MARCHF11: variants seen among roughly 807,000 people sequenced by gnomAD.
MARCHF11 encodes the protein E3 ubiquitin-protein ligase MARCHF11.
MARCHF11 carries 29 observed loss-of-function variants against 37.3 expected under a neutral mutation model. The ratio of observed to expected loss-of-function variants is 0.78; its 90% confidence interval spans 0.58 to 1.06. The LOEUF is 1.06. Among genes scored for constraint, MARCHF11 ranks in the 50% least tolerant of loss-of-function variants. MARCHF11 has a pLI of 0.00. For missense variants in MARCHF11, 482 were observed against 533.4 expected, an observed-to-expected ratio of 0.90 and a Z score of 0.95; for synonymous variants, 233 against 228.0, an observed-to-expected ratio of 1.02 and a Z score of -0.20.
At chr5:16,135,314 G>A (rs2126587450) in intron 2 of MARCHF11, among the ~76,000 whole-genome samples, 1 of 152,226 alleles carries the variant, frequency 6.6e-6, no homozygotes, top group Non-Finnish European at 1.5e-5. Flanking sequence ...AGATGTGTCT[G>A]ACACAGATCT....
intron 2 of MARCHF11, among the ~76,000 whole-genome samples, chr5:16,125,387 T>A (rs961088059): frequency 6.6e-6 from 1 of 152,164 alleles, no homozygotes; most frequent in Non-Finnish European, 1.5e-5. Flanking sequence ...ACACATCCTA[T>A]TATCATCATT....
chr5:16,085,600 G>T (rs1378264799), intron 3 of MARCHF11, among the ~76,000 whole-genome samples: 3 of 131,868 alleles, frequency 2.3e-5, no homozygotes, highest in African/African-American at 5.6e-5. Flanking sequence ...TCGGGGGGGG[G>T]ATAAACTGAT....
chr5:16,114,548 T>C (rs1737199688), intron 2 of MARCHF11, among the ~76,000 whole-genome samples: 1 of 152,196 alleles, frequency 6.6e-6, no homozygotes, highest in South Asian at 2.1e-4. Flanking sequence ...GCATTACCCT[T>C]GGTGCAGTGG....
At position 16,121,161 on chromosome 5, in the gene MARCHF11, C is replaced by T. The variant is rs543632896; in HGVS notation, c.694-30080G>A. Reference sequence around the variant, plus strand: ...GACAGCCAACATGTATCACTCCCTTCAGATTTCTGCCCAACTATGATCCAT... The same window carrying T: ...GACAGCCAACATGTATCACTCCCTTTAGATTTCTGCCCAACTATGATCCAT... On this transcript the variant is annotated intron_variant, in intron 2 of 3. Transcript: ENST00000332432. Among the ~76,000 whole-genome samples the T allele has an allele frequency of 4.6e-5, 7 of 152,356 alleles. No homozygotes were observed. In the South Asian group the frequency reaches 1.4e-3, roughly 32 times the overall value.
chr5:16,152,153 A>T (rs1371670346), intron 2 of MARCHF11, among the ~76,000 whole-genome samples: 1 of 151,998 alleles, frequency 6.6e-6, no homozygotes, highest in Non-Finnish European at 1.5e-5. Context: ...TTATGAACAA[A>T]TGACTTCTCC....
rs771019233 is a variant in MARCHF11 at position 16,067,438 on chromosome 5, G to A, written c.*33C>T. ...CTGCAATTACATTGCAAAATGTGCAGGGTGGTCCACACTGCATCATCTTAT... is the reference window on the plus strand; with the variant it reads ...CTGCAATTACATTGCAAAATGTGCAAGGTGGTCCACACTGCATCATCTTAT... On this transcript the variant is annotated 3_prime_UTR_variant, in exon 4 of 4. Transcript: ENST00000332432. 45 of 1,587,526 alleles carry A rather than the reference G, an allele frequency of 2.8e-5. 1 individual carries two copies. In the African/African-American group the frequency reaches 5.2e-4, roughly 18 times the overall value.
At chr5:16,164,158 T>C (rs978232190) in intron 2 of MARCHF11, among the ~76,000 whole-genome samples, 2 of 152,088 alleles carry the variant, frequency 1.3e-5, no homozygotes, top group Non-Finnish European at 2.9e-5. Context: ...AACTATGACA[T>C]AGAGACAAAG....
intron 1 of MARCHF11, 92 bp downstream of exon 1, chr5:16,178,947 G>C: frequency 1.2e-5 from 16 of 1,320,104 alleles, no homozygotes; most frequent in East Asian, 3.2e-5. Flanking sequence ...AGGCAAACTG[G>C]GAGGTAGGCG....
intron 2 of MARCHF11, among the ~76,000 whole-genome samples, chr5:16,161,805 C>T (rs1738082254): frequency 6.6e-6 from 1 of 151,912 alleles, no homozygotes; most frequent in South Asian, 2.1e-4. Context: ...TCAATATCTC[C>T]CAATTATATT....
intron 3 of MARCHF11, among the ~76,000 whole-genome samples, chr5:16,077,426 C>T (rs111645356): frequency 0.027 from 4,136 of 151,932 alleles, 172 homozygotes; most frequent in African/African-American, 0.094. Flanking sequence ...TTTGGGGGAG[C>T]GAAAATAATA....
chr5:16,073,249 G>A (rs1350008405), intron 3 of MARCHF11, among the ~76,000 whole-genome samples: 1 of 152,134 alleles, frequency 6.6e-6, no homozygotes, highest in Non-Finnish European at 1.5e-5. Context: ...CCAGAGCATG[G>A]TTGCTTCCAA....
intron 2 of MARCHF11, among the ~76,000 whole-genome samples, chr5:16,155,064 AC>A (rs1434476809): frequency 6.6e-6 from 1 of 151,904 alleles, no homozygotes; most frequent in Non-Finnish European, 1.5e-5. Context: ...AAAATGAGAA[AC>A]TATCTAATGT....
chr5:16,067,862 T>A (rs1736376375), intron 3 of MARCHF11, 69 bp from the exon 4 acceptor site: 1 of 1,355,848 alleles, frequency 7.4e-7, no homozygotes, highest in Non-Finnish European at 1.0e-6. Context: ...TTATTTTGTA[T>A]ACAAGTAAGG....
chr5:16,179,417 G>C lies in MARCHF11; in HGVS notation c.159C>G (p.Pro53=), dbSNP rs1738429902. The C allele has an allele frequency of 6.2e-6, 7 of 1,125,224 alleles. No homozygotes were observed. The highest frequency in any genetic ancestry group is 1.7e-5 in the African/African-American group (1 of 60,348). The allele number at this position is 1,125,224 out of a possible 1,614,324, so 69.7% of individuals were successfully genotyped here. Residue 53 remains proline (P), a synonymous_variant, in exon 1 of 4, where the codon CCC becomes CCG. Transcript: ENST00000332432. ...PAAPRYLPPL[P]ASPETPERAA... ...CGCGCTCGGGGGTCTCGGGGGACGCGGGCAGCGGCGGCAGGTAGCGCGGGG... is the reference window on the plus strand; with the variant it reads ...CGCGCTCGGGGGTCTCGGGGGACGCCGGCAGCGGCGGCAGGTAGCGCGGGG...
At chr5:16,090,222 T>C (rs1405124304) in intron 3 of MARCHF11, among the ~76,000 whole-genome samples, 1 of 152,190 alleles carries the variant, frequency 6.6e-6, no homozygotes, top group Non-Finnish European at 1.5e-5. Flanking sequence ...ACATAAATGC[T>C]GCATGATTGG....
intron 2 of MARCHF11, among the ~76,000 whole-genome samples, chr5:16,100,011 G>A (rs961123210): frequency 3.9e-5 from 6 of 152,060 alleles, no homozygotes; most frequent in Non-Finnish European, 8.8e-5. Flanking sequence ...GGTTTGAAGG[G>A]CCATGACCCA....
At chr5:16,162,583 G>GT (rs1381032826) in intron 2 of MARCHF11, among the ~76,000 whole-genome samples, 1 of 151,738 alleles carries the variant, frequency 6.6e-6, no homozygotes, top group Admixed American at 6.6e-5. Context: ...ATTGCCCAAT[G>GT]TTTTTTTCTT....
Position 16,127,636 on chromosome 5 carries a change from T to C in MARCHF11, c.694-36555A>G, listed in dbSNP as rs74652687. The stretch of plus-strand genomic sequence containing the variant: ...GACCACAATTACAATCTGCCATTGT[T>C]CCCCAGCAGGGAGGGACCGTCCTAA... On this transcript the variant is annotated intron_variant, in intron 2 of 3. Coordinates refer to ENST00000332432, the MANE Select transcript of MARCHF11 (RefSeq NM_001102562.3). Among the ~76,000 whole-genome samples the C allele has an allele frequency of 3.5e-3, 531 of 152,278 alleles. 1 individual carries two copies. Among genetic ancestry groups the C allele is most frequent in the African/African-American group, 0.012 (512 of 41,554 alleles).
chr5:16,170,305 C>T (rs1269167323), intron 2 of MARCHF11, among the ~76,000 whole-genome samples: 1 of 152,054 alleles, frequency 6.6e-6, no homozygotes, highest in Non-Finnish European at 1.5e-5. Flanking sequence ...TGGGTAATTC[C>T]ACATTCACAG....
Sources: gnomAD v4.1 joint callset for allele counts (sites outside exome capture counted in the v4.1 genomes callset) on GRCh38, gnomAD v4.1.1 for gene constraint, MANE v1.5 for transcripts, NCBI Gene and HGNC (gene_info 2026-07-23, HGNC 2026-07-21) for gene names.